TBC1D22A: variants seen among roughly 807,000 people sequenced by gnomAD.
TBC1D22A encodes the protein TBC1 domain family member 22A.
In TBC1D22A, 38 loss-of-function variants were observed where a neutral mutation model predicts 60.2. The ratio of observed to expected loss-of-function variants is 0.63; its 90% confidence interval spans 0.49 to 0.83. The LOEUF (loss-of-function observed/expected upper bound fraction) is 0.83. Among genes scored for constraint, TBC1D22A ranks in the 40% least tolerant of loss-of-function variants. TBC1D22A has a pLI of 0.00. For synonymous variants in TBC1D22A, 302 were observed against 281.7 expected, an observed-to-expected ratio of 1.07 and a Z score of -0.72; for missense variants, 628 against 701.0, an observed-to-expected ratio of 0.90 and a Z score of 1.18.
intron 1 of TBC1D22A, among the ~76,000 whole-genome samples, chr22:46,775,186 G>T (rs2146746019): frequency 6.6e-6 from 1 of 152,260 alleles, no homozygotes; most frequent in East Asian, 1.9e-4. Context: ...TGTCACTGTG[G>T]CTCTCTTAGG....
At chr22:47,059,820 T>C (rs2063509726) in intron 11 of TBC1D22A, among the ~76,000 whole-genome samples, 1 of 152,210 alleles carries the variant, frequency 6.6e-6, no homozygotes, top group Non-Finnish European at 1.5e-5. Context: ...TGATTATTAC[T>C]AAAGATGGTT....
chr22:47,055,557 A>G (rs1358306806), intron 11 of TBC1D22A, among the ~76,000 whole-genome samples: 2 of 152,152 alleles, frequency 1.3e-5, no homozygotes, highest in Non-Finnish European at 2.9e-5. Context: ...GCCCGACCCT[A>G]TGCTGTTAGC....
chr22:46,970,197 C>T (rs1225254371), intron 8 of TBC1D22A, among the ~76,000 whole-genome samples: 4 of 152,100 alleles, frequency 2.6e-5, no homozygotes, highest in Admixed American at 1.3e-4. Flanking sequence ...CCCAAGGCCC[C>T]GGGGCCTGAG....
intron 11 of TBC1D22A, among the ~76,000 whole-genome samples, chr22:47,047,559 T>C (rs1028911956): frequency 6.6e-6 from 1 of 152,208 alleles, no homozygotes; most frequent in Non-Finnish European, 1.5e-5. Flanking sequence ...GGAGTAGTCC[T>C]GGGGCTGTCG....
rs571367304 is a variant in TBC1D22A, at chr22:46,924,485, G to A, written c.1015+12297G>A. ...TAAGAATATTTATTTTGCCGGGTGC[G>A]GTGGCTCACGCTTATAATCCCAGCA... On this transcript the variant is annotated intron_variant, in intron 8 of 12. Transcript: ENST00000337137. Among the ~76,000 whole-genome samples, 8 of 152,270 alleles carry A rather than the reference G, an allele frequency of 5.3e-5. No individual in the cohort carries two copies. The South Asian group carries it at 8.3e-4, about 16-fold the overall frequency.
chr22:47,139,734 C>T lies in TBC1D22A; in HGVS notation c.1425+28131C>T, dbSNP rs372049232. Among the ~76,000 whole-genome samples the T allele has an allele frequency of 2.8e-4, 42 of 152,338 alleles. 2 individuals carry two copies. The East Asian group carries it at 5.0e-3, about 18-fold the overall frequency. ...GGTTGTGAGTGTCTGCCCAGGGCGC[C>T]TGGGCTGAGCTGCGCTCGCTAAGAC... On this transcript the variant is annotated intron_variant, in intron 12 of 12. Transcript: ENST00000337137.
intron 4 of TBC1D22A, among the ~76,000 whole-genome samples, chr22:46,851,134 A>G (rs987826262): frequency 5.9e-5 from 9 of 152,208 alleles, no homozygotes; most frequent in African/African-American, 1.9e-4. Context: ...ATTTGATGGT[A>G]TGTGAATTAT....
intron 4 of TBC1D22A, among the ~76,000 whole-genome samples, chr22:46,861,459 C>T (rs2087880778): frequency 2.0e-5 from 3 of 152,222 alleles, no homozygotes; most frequent in Admixed American, 1.3e-4. Flanking sequence ...CTGTGAGCAG[C>T]TCAGGTGGCC....
chr22:46,984,690 G>T (rs539308305), intron 9 of TBC1D22A, among the ~76,000 whole-genome samples: 1 of 152,278 alleles, frequency 6.6e-6, no homozygotes, highest in South Asian at 2.1e-4. Flanking sequence ...TCCAAGAACT[G>T]TTTGGTGGCA....
chr22:46,950,733 A>AG (rs1248961722), intron 8 of TBC1D22A, among the ~76,000 whole-genome samples: 1 of 152,184 alleles, frequency 6.6e-6, no homozygotes, highest in Non-Finnish European at 1.5e-5. Context: ...GTGAGTGTGG[A>AG]GGAGAATCTG....
chr22:47,143,343 C>G (rs1487015040), intron 12 of TBC1D22A, among the ~76,000 whole-genome samples: 1 of 152,230 alleles, frequency 6.6e-6, no homozygotes, highest in Admixed American at 6.5e-5. Context: ...GGCAGTGACC[C>G]TTTAACATTC....
intron 10 of TBC1D22A, among the ~76,000 whole-genome samples, chr22:47,023,990 A>T (rs894011226): frequency 1.3e-5 from 2 of 152,358 alleles, no homozygotes; most frequent in African/African-American, 4.8e-5. Flanking sequence ...CAAATGGTTA[A>T]AGCAGAAACA....
chr22:46,910,764 A>C (rs2069855521), intron 7 of TBC1D22A, among the ~76,000 whole-genome samples: 1 of 152,110 alleles, frequency 6.6e-6, no homozygotes, highest in African/African-American at 2.4e-5. Context: ...CCTGAAAGCC[A>C]GGGGAGTCGA....
intron 4 of TBC1D22A, among the ~76,000 whole-genome samples, chr22:46,857,320 T>C (rs1445527018): frequency 6.6e-6 from 1 of 152,174 alleles, no homozygotes; most frequent in East Asian, 1.9e-4. Flanking sequence ...TGCCCCTGGG[T>C]GGGGCTGGTC....
At position 46,797,541 on chromosome 22, in the gene TBC1D22A, C is replaced by T. The variant is rs1164838416; in HGVS notation, c.558C>T (p.Ser186=). Residue 186 remains serine, a synonymous_variant, in exon 4 of 13, where the codon AGC becomes AGT. Transcript: ENST00000337137. ...GCACATCTGACCCCAGCACTCTCAGCAGCTCAGCGCTGAGCGAAAGAGAGG... is the reference window on the plus strand; with the variant it reads ...GCACATCTGACCCCAGCACTCTCAGTAGCTCAGCGCTGAGCGAAAGAGAGG... The part of the protein sequence containing the change: ...LGGTSDPSTL[S]SSALSEREAS... 1 of 1,614,088 alleles carries T rather than the reference C, an allele frequency of 6.2e-7. No homozygotes were observed. The highest frequency in any genetic ancestry group is 8.5e-7 in the Non-Finnish European group (1 of 1,180,028).
chr22:47,065,511 G>T (rs1024773692), intron 11 of TBC1D22A, among the ~76,000 whole-genome samples: 1 of 152,192 alleles, frequency 6.6e-6, no homozygotes, highest in African/African-American at 2.4e-5. Flanking sequence ...GCTTCTGTTG[G>T]GGGGCAGGCC....
intron 10 of TBC1D22A, among the ~76,000 whole-genome samples, chr22:47,006,476 G>C (rs2061594412): frequency 6.6e-6 from 1 of 152,194 alleles, no homozygotes; most frequent in Non-Finnish European, 1.5e-5. Flanking sequence ...TAGTTGGCTG[G>C]ATCTTGGCGG....
intron 11 of TBC1D22A, among the ~76,000 whole-genome samples, chr22:47,081,119 T>A (rs1257295118): frequency 1.9e-5 from 1 of 52,086 alleles, no homozygotes; most frequent in Non-Finnish European, 3.5e-5. Context: ...AAACTCCGTC[T>A]CAAAAAAAAA....
chr22:46,774,628 C>T (rs918442455), intron 1 of TBC1D22A, among the ~76,000 whole-genome samples: 1 of 152,334 alleles, frequency 6.6e-6, no homozygotes, highest in Admixed American at 6.5e-5. Context: ...GTCTGCCTTC[C>T]GTAAACGGCC....
Sources: gnomAD v4.1 joint callset for allele counts (sites outside exome capture counted in the v4.1 genomes callset) on GRCh38, gnomAD v4.1.1 for gene constraint, MANE v1.5 for transcripts, NCBI Gene and HGNC (gene_info 2026-07-23, HGNC 2026-07-21) for gene names.